Variants in EDIL3 observed in about 807,000 individuals in gnomAD.
EDIL3 encodes the protein EGF-like repeat and discoidin I-like domain-containing protein 3.
Under a neutral mutation model 67.4 loss-of-function variants are expected in EDIL3, and 37 were observed. The observed-to-expected ratio is 0.55, with a 90% CI of 0.42 to 0.72. EDIL3 has a LOEUF of 0.72. Among genes scored for constraint, EDIL3 ranks in the 30% least tolerant of loss-of-function variants. The pLI is 0.00. For synonymous variants in EDIL3, 195 were observed against 196.3 expected (o/e 0.99, Z 0.05); for missense variants, 527 against 586.3 (o/e 0.90, Z 1.04).
intron 1 of EDIL3, among the ~76,000 whole-genome samples, chr5:84,269,430 T>TAATC (rs3046889): frequency 2.0e-5 from 3 of 151,652 alleles, no homozygotes; most frequent in Non-Finnish European, 4.4e-5. Context: ...AAATTTTTAT[T>TAATC]CTGTCTAGTA....
chr5:84,065,208 T>C (rs1021552086), intron 7 of EDIL3, among the ~76,000 whole-genome samples: 8 of 152,176 alleles, frequency 5.3e-5, no homozygotes, highest in Non-Finnish European at 1.2e-4. Context: ...TACTTAGTAT[T>C]CATACTTTTG....
chr5:84,025,717 A>G (rs1211622454), intron 9 of EDIL3, among the ~76,000 whole-genome samples: 1 of 152,158 alleles, frequency 6.6e-6, no homozygotes, highest in African/African-American at 2.4e-5. Flanking sequence ...ATCAAAGATA[A>G]ATTATATGAA....
chr5:84,085,480 C>T (rs867334163), intron 6 of EDIL3, among the ~76,000 whole-genome samples: 4 of 152,196 alleles, frequency 2.6e-5, no homozygotes, highest in Admixed American at 6.5e-5. Flanking sequence ...CTCCCAGACC[C>T]TGTTCACCTG....
intron 4 of EDIL3, among the ~76,000 whole-genome samples, chr5:84,177,061 A>G (rs920632106): frequency 7.9e-5 from 12 of 152,114 alleles, no homozygotes; most frequent in African/African-American, 2.7e-4. Context: ...TACTTTTACC[A>G]TAAGATCTAG....
At chr5:84,205,513 G>T (rs1709075606) in intron 3 of EDIL3, among the ~76,000 whole-genome samples, 1 of 152,150 alleles carries the variant, frequency 6.6e-6, no homozygotes, top group African/African-American at 2.4e-5. Context: ...TGAAAAACTT[G>T]ACTCTTTTGC....
chr5:83,961,453 T>C (rs1360224394), intron 10 of EDIL3, among the ~76,000 whole-genome samples: 1 of 151,162 alleles, frequency 6.6e-6, no homozygotes, highest in African/African-American at 2.4e-5. Flanking sequence ...AAAAATTAAA[T>C]TACTCACATA....
At chr5:84,324,114 A>T (rs1746701342) in intron 1 of EDIL3, among the ~76,000 whole-genome samples, 1 of 151,908 alleles carries the variant, frequency 6.6e-6, no homozygotes. Context: ...AACAGCATGT[A>T]CATTCTCCTC....
intron 6 of EDIL3, among the ~76,000 whole-genome samples, chr5:84,102,390 A>G (rs1747383080): frequency 6.6e-6 from 1 of 152,062 alleles, no homozygotes; most frequent in Non-Finnish European, 1.5e-5. Flanking sequence ...CCCTGTTTGC[A>G]GAGGACATGA....
intron 1 of EDIL3, 119 bp downstream of exon 1, chr5:84,384,189 G>T (rs1318560363): frequency 3.1e-6 from 4 of 1,300,318 alleles, no homozygotes; most frequent in Non-Finnish European, 2.1e-6. Flanking sequence ...CCTCCGCGCC[G>T]CCAGCGGCGC....
chr5:84,319,978 A>G (rs1746600513), intron 1 of EDIL3, among the ~76,000 whole-genome samples: 1 of 152,118 alleles, frequency 6.6e-6, no homozygotes, highest in Non-Finnish European at 1.5e-5. Flanking sequence ...AGGGAGGGGA[A>G]CATCACACAC....
intron 1 of EDIL3, among the ~76,000 whole-genome samples, chr5:84,257,846 A>C (rs962064014): frequency 6.6e-6 from 1 of 152,170 alleles, no homozygotes; most frequent in African/African-American, 2.4e-5. Context: ...GAGAGCAAAG[A>C]GAAACGAAGA....
chr5:84,179,893 A>T (rs1399690086), intron 4 of EDIL3, among the ~76,000 whole-genome samples: 1 of 152,192 alleles, frequency 6.6e-6, no homozygotes, highest in Non-Finnish European at 1.5e-5. Context: ...ATTGGGATTT[A>T]AAAAAGAAGT....
At chr5:84,245,916 A>T (rs1580396179) in intron 2 of EDIL3, among the ~76,000 whole-genome samples, 4 of 12,484 alleles carry the variant, frequency 3.2e-4, no homozygotes, top group East Asian at 0.1. Flanking sequence ...CTAAAATGTA[A>T]AAAAAAAAAA....
chr5:84,082,917 C>G (rs528118340), intron 6 of EDIL3, among the ~76,000 whole-genome samples: 2 of 152,028 alleles, frequency 1.3e-5, no homozygotes, highest in Admixed American at 1.3e-4. Flanking sequence ...AATATGTTGT[C>G]CAAAATCAGA....
At chr5:83,954,229 T>G in intron 10 of EDIL3, among the ~76,000 whole-genome samples, 1 of 151,748 alleles carries the variant, frequency 6.6e-6, no homozygotes, top group East Asian at 2.0e-4. Context: ...AAATATTAGT[T>G]GTTTGGTGAT....
chr5:84,377,227 G>A (rs1747985386), intron 1 of EDIL3, among the ~76,000 whole-genome samples: 1 of 151,634 alleles, frequency 6.6e-6, no homozygotes, highest in Non-Finnish European at 1.5e-5. Context: ...GCAGGAGAAT[G>A]GTGTGAACCC....
At position 84,129,680 on chromosome 5, in the gene EDIL3, A is replaced by G. The variant is rs1747926889; in HGVS notation, c.469+7561T>C. Among the ~76,000 whole-genome samples, 5 of 152,286 alleles carry G rather than the reference A, an allele frequency of 3.3e-5. 1 individual carries two copies. In the South Asian group the frequency reaches 1.0e-3, roughly 32 times the overall value. ...AGAGCAGATATTTGTTATATGGAATAAAATAGGATTAAAATTAAATATTTA... is the reference window on the plus strand; with the variant it reads ...AGAGCAGATATTTGTTATATGGAATGAAATAGGATTAAAATTAAATATTTA... On this transcript the variant is annotated intron_variant, in intron 5 of 10. Coordinates refer to ENST00000296591, the MANE Select transcript of EDIL3 (RefSeq NM_005711.5).
Position 84,136,402 on chromosome 5 carries a change from C to T in EDIL3, c.469+839G>A, listed in dbSNP as rs552484164. Among the ~76,000 whole-genome samples, 33 of 152,314 alleles carry T rather than the reference C, an allele frequency of 2.2e-4. No individual in the cohort carries two copies. The South Asian group carries it at 3.5e-3, about 16-fold the overall frequency. Reference sequence around the variant, plus strand: ...TTATAAGGCTATAGCACTAGTATTACTAACCTGTGTTTGGGCCCATTTTAG... The same window carrying T: ...TTATAAGGCTATAGCACTAGTATTATTAACCTGTGTTTGGGCCCATTTTAG... On this transcript the variant is annotated intron_variant, in intron 5 of 10. Coordinates refer to ENST00000296591, the MANE Select transcript of EDIL3 (RefSeq NM_005711.5).
chr5:84,153,724 A>G (rs1417267351), intron 4 of EDIL3, among the ~76,000 whole-genome samples: 1 of 152,156 alleles, frequency 6.6e-6, no homozygotes, highest in Non-Finnish European at 1.5e-5. Flanking sequence ...CGGCCTCCCA[A>G]AGTGCTGCGA....
Sources: allele counts gnomAD v4.1 joint callset (sites outside exome capture counted in the v4.1 genomes callset), GRCh38; gene constraint gnomAD v4.1.1; transcripts MANE v1.5; gene names NCBI Gene and HGNC (gene_info 2026-07-23, HGNC 2026-07-21).